Variants in STK32C observed in about 807,000 individuals in gnomAD.
STK32C encodes serine/threonine kinase 32C.
In STK32C, 31 loss-of-function variants were observed where a neutral mutation model predicts 56.5. The ratio of observed to expected loss-of-function variants is 0.55; its 90% CI spans 0.41 to 0.74. The LOEUF (loss-of-function observed/expected upper bound fraction) is 0.74. STK32C is among the 30% of genes least tolerant of loss of function. The pLI, the probability that STK32C is intolerant of heterozygous loss-of-function variation, is 0.00. For missense variants in STK32C, 544 were observed against 676.9 expected (o/e 0.80, Z 2.18); for synonymous variants, 309 against 289.4 (o/e 1.07, Z -0.69).
At chr10:132,288,994 T>C (rs1019506392) in intron 1 of STK32C, among the ~76,000 whole-genome samples, 1 of 152,182 alleles carries the variant, frequency 6.6e-6, no homozygotes, top group African/African-American at 2.4e-5. Flanking sequence ...GGATCCACAA[T>C]TGCTGAAACA....
chr10:132,235,056 C>CTGTGTGACTGGTATGAACTGTG (rs2063227906), intron 2 of STK32C, among the ~76,000 whole-genome samples: 5 of 151,934 alleles, frequency 3.3e-5, no homozygotes, highest in South Asian at 2.1e-4. Flanking sequence ...TATGAACTGT[C>CTGTGTGACTGGTATGAACTGTG]TGAGTGGTGT....
At chr10:132,243,035 C>G (rs535860677) in intron 2 of STK32C, among the ~76,000 whole-genome samples, 11 of 152,348 alleles carry the variant, frequency 7.2e-5, no homozygotes, top group African/African-American at 2.4e-4. Flanking sequence ...GGGGTTCATG[C>G]CCAGCCCAAC....
chr10:132,249,796 C>T (rs914672305), intron 1 of STK32C, among the ~76,000 whole-genome samples: 3 of 152,222 alleles, frequency 2.0e-5, no homozygotes, highest in Non-Finnish European at 2.9e-5. Context: ...CTGTCCCCAG[C>T]TCCTGCCATC....
intron 2 of STK32C, among the ~76,000 whole-genome samples, chr10:132,242,008 G>A (rs1309261368): frequency 6.6e-6 from 1 of 152,036 alleles, no homozygotes; most frequent in Non-Finnish European, 1.5e-5. Context: ...TACTCAGGAG[G>A]CTGAGGAATG....
chr10:132,261,734 C>T (rs1475591736), intron 1 of STK32C, among the ~76,000 whole-genome samples: 1 of 152,118 alleles, frequency 6.6e-6, no homozygotes, highest in Non-Finnish European at 1.5e-5. Context: ...CACTGCACTC[C>T]AGCCTGGGCA....
chr10:132,261,890 A>G (rs1217634427), intron 1 of STK32C, among the ~76,000 whole-genome samples: 4 of 152,262 alleles, frequency 2.6e-5, no homozygotes, highest in East Asian at 1.9e-4. Context: ...TACTGATTCA[A>G]TGCTCCTCCT....
intron 1 of STK32C, among the ~76,000 whole-genome samples, chr10:132,289,638 T>C (rs1213025595): frequency 2.0e-5 from 3 of 152,206 alleles, no homozygotes; most frequent in African/African-American, 7.2e-5. Context: ...ACCGGAAGAC[T>C]CAGTGTCTGG....
At chr10:132,247,645 A>T (rs1206252031) in intron 1 of STK32C, among the ~76,000 whole-genome samples, 1 of 152,064 alleles carries the variant, frequency 6.6e-6, no homozygotes, top group Non-Finnish European at 1.5e-5. Flanking sequence ...GTATGGACAG[A>T]CCCACAAGCT....
intron 10 of STK32C, among the ~76,000 whole-genome samples, chr10:132,215,388 C>T (rs1370030395): frequency 6.6e-6 from 1 of 152,024 alleles, no homozygotes; most frequent in Non-Finnish European, 1.5e-5. Flanking sequence ...CCACAATTCC[C>T]GTGTGTCATG....
At chr10:132,327,489 T>C (rs2138488947) in intron 1 of STK32C, among the ~76,000 whole-genome samples, 1 of 152,210 alleles carries the variant, frequency 6.6e-6, no homozygotes, top group South Asian at 2.1e-4. Flanking sequence ...AATTTTTTTT[T>C]TTTTGAGACA....
chr10:132,236,030 T>C (rs985102385), intron 2 of STK32C, among the ~76,000 whole-genome samples: 3 of 152,218 alleles, frequency 2.0e-5, no homozygotes, highest in African/African-American at 7.2e-5. Context: ...CGTCGGTCCC[T>C]GATGAGGCCG....
intron 8 of STK32C, 101 bp from the exon 9 acceptor site, chr10:132,223,087 A>T (rs1364238170): frequency 1.4e-6 from 2 of 1,442,782 alleles, no homozygotes; most frequent in Non-Finnish European, 1.8e-6. Context: ...GGTCCCACCA[A>T]GCCTGAGGTT....
intron 2 of STK32C, among the ~76,000 whole-genome samples, chr10:132,231,359 C>G (rs939832502): frequency 6.6e-6 from 1 of 152,234 alleles, no homozygotes; most frequent in Non-Finnish European, 1.5e-5. Flanking sequence ...AGGAGCTGCC[C>G]TGAGGAGCAA....
At chr10:132,310,464 G>A (rs1429327852), upstream of STK32C, among the ~76,000 whole-genome samples, 1 of 152,186 alleles carries the variant, frequency 6.6e-6, no homozygotes, top group African/African-American at 2.4e-5. The surrounding 1 kb of genome is among the most constrained non-coding windows in gnomAD (Gnocchi z 4.6). Context: ...CATGAGACAG[G>A]AGGGGTCAGG....
Position 132,331,826 on chromosome 10 carries a change from G to C in STK32C, c.-90C>G, listed in dbSNP as rs200894466. On this transcript the variant is annotated 5_prime_UTR_variant, in exon 1 of 2. Coordinates refer to the STK32C transcript ENST00000368619. The stretch of plus-strand genomic sequence containing the variant: ...TGCCCGTCGACCACCACCCCTTCAA[G>C]GCCGCGGGCGCGGAAAAACGGATGC... 3,830 of 1,543,958 alleles carry C rather than the reference G, an allele frequency of 2.5e-3. 10 individuals carry two copies. The highest frequency in any genetic ancestry group is 4.4e-3 in the Admixed American group (233 of 52,870).
chr10:132,210,853 C>T (rs546926143), intron 10 of STK32C, among the ~76,000 whole-genome samples: 1 of 152,324 alleles, frequency 6.6e-6, no homozygotes, highest in Non-Finnish European at 1.5e-5. Context: ...GTGAGGGTTT[C>T]ACCCTGGCAG....
At chr10:132,320,507 G>A (rs2138459036), downstream of STK32C, among the ~76,000 whole-genome samples, 1 of 152,226 alleles carries the variant, frequency 6.6e-6, no homozygotes, top group South Asian at 2.1e-4. Flanking sequence ...GTTGGCCACG[G>A]TTATGGAAGT....
intron 1 of STK32C, among the ~76,000 whole-genome samples, chr10:132,329,985 C>T (rs926650734): frequency 6.6e-6 from 1 of 152,080 alleles, no homozygotes; most frequent in Non-Finnish European, 1.5e-5. Context: ...AGTCGCTGCC[C>T]GGAGGAAGGT....
chr10:132,226,904 G>C lies in STK32C; in HGVS notation c.535C>G (p.Arg179Gly). ...VVDLLLGGDLRYHLQQNVQFS... is the reference protein window; with the variant it reads ...VVDLLLGGDLGYHLQQNVQFS... ...TGCACGTTCTGCTGCAGGTGGTAGC[G>C]CAGGTCCCCGCCCAGTAGCAGGTCC... The change falls in exon 4 of 12, where the codon CGC (arginine) becomes GGC (glycine). Residue 179 changes from arginine (R) to glycine (G), a missense_variant. This residue lies in a region of STK32C where 85 missense variants were observed against 149.9 expected (regional missense o/e 0.57). Transcript: ENST00000298630. 6.2e-7 allele frequency: 1 copy of C among 1,613,454 alleles called. No homozygotes were observed.
Sources: allele counts gnomAD v4.1 joint callset (sites outside exome capture counted in the v4.1 genomes callset), GRCh38; gene constraint gnomAD v4.1.1; regional missense constraint gnomAD v4.1.1; non-coding constraint Gnocchi (gnomAD v3.1); transcripts MANE v1.5; gene names NCBI Gene and HGNC (gene_info 2026-07-23, HGNC 2026-07-21).